Variants in GALNT14 observed in about 807,000 individuals in gnomAD.
GALNT14 encodes the protein UDP-GalNAc:polypeptide N-acetylgalactosaminyltransferase 14.
A neutral mutation model predicts 77.5 loss-of-function variants in GALNT14; 60 were observed. The ratio of observed to expected loss-of-function variants is 0.77; its 90% CI spans 0.63 to 0.96. The LOEUF (loss-of-function observed/expected upper bound fraction) is 0.96. GALNT14 is among the 40% of genes least tolerant of loss of function. GALNT14 has a pLI of 0.00. For missense variants in GALNT14, 710 were observed against 731.0 expected, an observed-to-expected ratio of 0.97 and a Z score of 0.33; for synonymous variants, 280 against 281.7, an observed-to-expected ratio of 0.99 and a Z score of 0.06.
intron 9 of GALNT14, among the ~76,000 whole-genome samples, chr2:30,935,889 A>G (rs1190756661): frequency 6.6e-6 from 1 of 152,116 alleles, no homozygotes; most frequent in Non-Finnish European, 1.5e-5. Flanking sequence ...CCAGGTACAG[A>G]TTAGGGCCTC....
intron 1 of GALNT14, among the ~76,000 whole-genome samples, chr2:31,046,251 G>C (rs562472031): frequency 1.4e-5 from 2 of 146,254 alleles, no homozygotes; most frequent in South Asian, 2.2e-4. Flanking sequence ...TTTTGAGATG[G>C]AGTCTCGCTC....
chr2:31,083,424 T>C (rs1237118709), intron 1 of GALNT14, among the ~76,000 whole-genome samples: 1 of 152,206 alleles, frequency 6.6e-6, no homozygotes, highest in Non-Finnish European at 1.5e-5. Context: ...ATTAACGAGC[T>C]GTCTGGTCTA....
chr2:30,966,098 A>C (rs1667988113), intron 3 of GALNT14, 106 bp downstream of exon 3: 1 of 756,904 alleles, frequency 1.3e-6, no homozygotes, highest in Non-Finnish European at 2.3e-6. Flanking sequence ...GCACGTAGTT[A>C]GATGTGTCTG....
chr2:31,124,646 G>A (rs1678607466), intron 1 of GALNT14, among the ~76,000 whole-genome samples: 1 of 152,012 alleles, frequency 6.6e-6, no homozygotes, highest in Admixed American at 6.6e-5. Context: ...TTTGAAACAG[G>A]GTCTCCCTCT....
chr2:30,936,232 C>G (rs1666050683), intron 9 of GALNT14, among the ~76,000 whole-genome samples: 1 of 152,092 alleles, frequency 6.6e-6, no homozygotes, highest in African/African-American at 2.4e-5. Flanking sequence ...TGCTTACCAC[C>G]CCTCCCAGGG....
intron 1 of GALNT14, among the ~76,000 whole-genome samples, chr2:31,021,763 C>T (rs1490733846): frequency 2.0e-5 from 3 of 152,168 alleles, no homozygotes; most frequent in South Asian, 4.1e-4. Context: ...TACAATCTAG[C>T]CCTTTATGGA....
chr2:30,986,261 C>T (rs1380495751), intron 2 of GALNT14, among the ~76,000 whole-genome samples: 1 of 152,226 alleles, frequency 6.6e-6, no homozygotes, highest in African/African-American at 2.4e-5. Flanking sequence ...TGAGGCTTCC[C>T]CGGCTAGAGT....
At chr2:30,995,722 A>G (rs1573118220) in intron 1 of GALNT14, among the ~76,000 whole-genome samples, 1 of 151,872 alleles carries the variant, frequency 6.6e-6, no homozygotes, top group Admixed American at 6.6e-5. Flanking sequence ...CTGGTCTCGC[A>G]CTCCTAGCTT....
intron 1 of GALNT14, among the ~76,000 whole-genome samples, chr2:31,016,344 A>C (rs968882963): frequency 2.6e-5 from 4 of 152,166 alleles, no homozygotes; most frequent in Admixed American, 6.5e-5. Context: ...TTACCTCCTT[A>C]TAGGCCATCT....
At chr2:30,962,730 G>T (rs4951958) in intron 3 of GALNT14, among the ~76,000 whole-genome samples, 9,869 of 152,198 alleles carry the variant, frequency 0.065, 555 homozygotes, top group African/African-American at 0.15. Context: ...AGCTTAGGGG[G>T]CCAGAGGGTC....
At chr2:30,942,846 T>C (rs1479149677) in intron 8 of GALNT14, among the ~76,000 whole-genome samples, 1 of 152,212 alleles carries the variant, frequency 6.6e-6, no homozygotes, top group Non-Finnish European at 1.5e-5. Flanking sequence ...CTTAAAAAGA[T>C]ATGCTGGAGT....
chr2:31,075,001 GT>G (rs1675667643), intron 1 of GALNT14, among the ~76,000 whole-genome samples: 1 of 152,228 alleles, frequency 6.6e-6, no homozygotes. Flanking sequence ...AATCCCCAGT[GT>G]TGGAGGTGGG....
intron 1 of GALNT14, among the ~76,000 whole-genome samples, chr2:31,069,099 A>G (rs1675177431): frequency 6.6e-6 from 1 of 152,214 alleles, no homozygotes; most frequent in Non-Finnish European, 1.5e-5. Flanking sequence ...AACCCTGAGA[A>G]TACACTAAAA....
chr2:30,891,938 G>A, the GALNT14 span, among the ~76,000 whole-genome samples: 1 of 148,034 alleles, frequency 6.8e-6, no homozygotes, highest in Admixed American at 6.7e-5. Context: ...AGTCAAGCCT[G>A]GCATAAATCT....
the GALNT14 span, among the ~76,000 whole-genome samples, chr2:30,899,929 T>C: frequency 6.6e-6 from 1 of 152,158 alleles, no homozygotes; most frequent in Non-Finnish European, 1.5e-5. Context: ...CTGCTAGGCT[T>C]TTCATATAAC....
At chr2:31,012,384 C>T (rs1227385633) in intron 1 of GALNT14, among the ~76,000 whole-genome samples, 2 of 152,118 alleles carry the variant, frequency 1.3e-5, no homozygotes, top group Non-Finnish European at 2.9e-5. Flanking sequence ...ATGGCAGCAC[C>T]TATAGTTACC....
At chr2:30,895,863 G>A in the GALNT14 span, among the ~76,000 whole-genome samples, 18 of 151,962 alleles carry the variant, frequency 1.2e-4, no homozygotes, top group African/African-American at 3.9e-4. Flanking sequence ...GCCACTTTCT[G>A]GCATAGTACC....
At chr2:31,003,554 T>A (rs994966219) in intron 1 of GALNT14, among the ~76,000 whole-genome samples, 10 of 152,244 alleles carry the variant, frequency 6.6e-5, no homozygotes, top group Non-Finnish European at 1.3e-4. Context: ...TTGATTTCTC[T>A]CTCATTTAGT....
chr2:30,924,632 A>T, intron 12 of GALNT14, 108 bp downstream of exon 12: 1 of 863,488 alleles, frequency 1.2e-6, no homozygotes, highest in Non-Finnish European at 1.9e-6. Flanking sequence ...CCTCTGATAT[A>T]CATAAAAGCC....
Sources: gnomAD v4.1 joint callset for allele counts (sites outside exome capture counted in the v4.1 genomes callset) on GRCh38, gnomAD v4.1.1 for gene constraint, MANE v1.5 for transcripts, NCBI Gene and HGNC (gene_info 2026-07-23, HGNC 2026-07-21) for gene names.